Variants in CLIP1 observed in about 807,000 individuals in gnomAD.
CLIP1 encodes the protein CAP-Gly domain containing linker protein 1.
Under a neutral mutation model 161.6 loss-of-function variants are expected in CLIP1, and 66 were observed. The observed-to-expected ratio is 0.41, with a 90% CI of 0.33 to 0.50. The LOEUF (loss-of-function observed/expected upper bound fraction) is 0.50, where lower values mean the gene tolerates loss of function less well. CLIP1 is among the 20% of genes least tolerant of loss of function. The pLI is 0.27. For synonymous variants in CLIP1, 598 were observed against 626.2 expected (o/e 0.96, Z 0.67); for missense variants, 1,376 against 1,702.0 (o/e 0.81, Z 3.37).
rs147997291 is a variant in CLIP1, at chr12:122,388,801, C to T, written c.-106-8243G>A. On this transcript the variant is annotated intron_variant, in intron 1 of 25. Transcript: ENST00000620786. ...TGCTGCCCAGGCTGGTTTTAAACTC[C>T]TAGGCTCAAGTAATCCTACTGCCTC... 1.4e-3 allele frequency among the ~76,000 whole-genome samples: 210 copies of T among 151,930 alleles called. 1 individual carries two copies. Among genetic ancestry groups the T allele is most frequent in the Non-Finnish European group, 2.2e-3 (150 of 67,944 alleles).
At chr12:122,298,032 C>T (rs1237669274) in intron 20 of CLIP1, among the ~76,000 whole-genome samples, 2 of 152,202 alleles carry the variant, frequency 1.3e-5, no homozygotes, top group East Asian at 1.9e-4. Flanking sequence ...TCCAGAGCTC[C>T]CCACGGCATT....
At chr12:122,353,445 A>C (rs911625449) in intron 7 of CLIP1, among the ~76,000 whole-genome samples, 1 of 152,134 alleles carries the variant, frequency 6.6e-6, no homozygotes, top group Non-Finnish European at 1.5e-5. Flanking sequence ...TCAATATGGC[A>C]AAACCCCATC....
intron 1 of CLIP1, among the ~76,000 whole-genome samples, chr12:122,412,679 A>G (rs181318120): frequency 6.6e-6 from 1 of 152,244 alleles, no homozygotes; most frequent in East Asian, 1.9e-4. Flanking sequence ...AAACCAAAGT[A>G]CATACTCTAA....
At chr12:122,418,996 TTACTA>T (rs1376440083) in intron 1 of CLIP1, among the ~76,000 whole-genome samples, 4 of 152,202 alleles carry the variant, frequency 2.6e-5, no homozygotes, top group African/African-American at 9.6e-5. Context: ...CCCTGTGACT[TTACTA>T]TACTACCTTC....
chr12:122,418,531 T>C (rs748903958), intron 1 of CLIP1, among the ~76,000 whole-genome samples: 10 of 152,098 alleles, frequency 6.6e-5, no homozygotes, highest in African/African-American at 1.9e-4. Context: ...GTTAGGAGGA[T>C]TGTTTGAGCC....
At chr12:122,345,323 A>ATT (rs5801470) in intron 10 of CLIP1, among the ~76,000 whole-genome samples, 120 of 149,778 alleles carry the variant, frequency 8.0e-4, no homozygotes, top group Middle Eastern at 3.4e-3. Flanking sequence ...CACCCAGCTA[A>ATT]TTTTTTTTTT....
In CLIP1 at chr12:122,393,166, G is replaced by GTT. The variant is rs55816714; in HGVS notation, c.-106-12610_-106-12609dup. 1.6e-3 allele frequency among the ~76,000 whole-genome samples: 225 copies of GTT among 139,180 alleles called. 1 individual carries two copies. Among genetic ancestry groups the GTT allele is most frequent in the African/African-American group, 3.2e-3 (124 of 38,268 alleles). The allele number at this position is 139,180 out of a possible 152,430, so 91.3% of individuals were successfully genotyped here. ...AAATTCACTGCAGATTGGCAATCTT[G>GTT]TTTTTTTTTTTTTTTTAGATGGAGT... is the stretch of plus-strand genomic sequence containing the variant. On this transcript the variant is annotated intron_variant, in intron 1 of 25. Coordinates refer to ENST00000620786, the MANE Select transcript of CLIP1 (RefSeq NM_001247997.2).
chr12:122,406,094 A>G (rs781064392), intron 1 of CLIP1, among the ~76,000 whole-genome samples: 23 of 152,288 alleles, frequency 1.5e-4, no homozygotes, highest in Admixed American at 8.5e-4. Context: ...AGCAAACAGC[A>G]TATCTTTAAG....
In CLIP1 at chr12:122,361,058, G is replaced by C. The variant is rs1156960009; in HGVS notation, c.906C>G (p.Thr302=). 1 of 1,614,130 alleles carries C rather than the reference G, an allele frequency of 6.2e-7. No homozygotes were observed. Among genetic ancestry groups the C allele is most frequent in the African/African-American group, 1.3e-5 (1 of 74,936 alleles). ...GGCTGCGCTTCAGGCTGGCGGACGTGGTCGCCATCACTCGCCTCACTGCGT... is the reference window on the plus strand; with the variant it reads ...GGCTGCGCTTCAGGCTGGCGGACGTCGTCGCCATCACTCGCCTCACTGCGT... The part of the protein sequence containing the change: ...KANAVRRVMA[T]TSASLKRSPS... Residue 302 remains threonine (T), a synonymous_variant, in exon 5 of 26, where the codon ACC becomes ACG. Coordinates refer to ENST00000620786, the MANE Select transcript of CLIP1 (RefSeq NM_001247997.2).
chr12:122,328,272 A>G lies in CLIP1; in HGVS notation c.3022T>C (p.Leu1008=), dbSNP rs1951788026. 6 of 1,613,490 alleles carry G rather than the reference A, an allele frequency of 3.7e-6. No homozygotes were observed. In the Admixed American group the frequency reaches 1.0e-4, roughly 27 times the overall value. Residue 1008 remains leucine, a synonymous_variant, in exon 16 of 26, where the codon TTG becomes CTG. Coordinates refer to ENST00000620786, the MANE Select transcript of CLIP1 (RefSeq NM_001247997.2). ...GAGTATCTCCTTACCAGGTCCGACA[A>G]TTTCCTCTCCAATTCTTTCTTTTCT... is the stretch of plus-strand genomic sequence containing the variant. The part of the protein sequence containing the change: ...EEEKKELERK[L]SDLEKKMETS...
At chr12:122,401,734 C>A (rs1219974290) in intron 1 of CLIP1, among the ~76,000 whole-genome samples, 1 of 149,854 alleles carries the variant, frequency 6.7e-6, no homozygotes, top group Admixed American at 6.7e-5. Flanking sequence ...CATGCTGGCT[C>A]ATGCCTGTAA....
At chr12:122,357,335 TGAG>T (rs1462725363) in intron 5 of CLIP1, among the ~76,000 whole-genome samples, 1 of 144,630 alleles carries the variant, frequency 6.9e-6, no homozygotes, top group South Asian at 2.2e-4. Context: ...CCGCCCCGTC[TGAG>T]AAGAGAGGAG....
intron 7 of CLIP1, 130 bp from the exon 8 acceptor site, chr12:122,352,916 G>C: frequency 1.4e-6 from 1 of 730,814 alleles, no homozygotes; most frequent in Non-Finnish European, 2.4e-6. Flanking sequence ...CAATTTGGGA[G>C]GTGGAGGCAG....
intron 20 of CLIP1, among the ~76,000 whole-genome samples, chr12:122,308,746 T>C (rs759502384): frequency 1.3e-5 from 2 of 152,206 alleles, no homozygotes; most frequent in Non-Finnish European, 2.9e-5. Flanking sequence ...TTAGCTACTA[T>C]CACCAACAGC....
chr12:122,333,151 T>A lies in CLIP1; in HGVS notation c.2711-8A>T, dbSNP rs370185091. 1 of 1,600,538 alleles carries A rather than the reference T, an allele frequency of 6.2e-7. No homozygotes were observed. The highest frequency in any genetic ancestry group is 8.5e-7 in the Non-Finnish European group (1 of 1,172,562). On this transcript the variant is annotated splice_polypyrimidine_tract_variant and splice_region_variant and intron_variant, in intron 14 of 25. Coordinates refer to ENST00000620786, the MANE Select transcript of CLIP1 (RefSeq NM_001247997.2). ...TAAATTTTGCCTCCATATCTAAATA[T>A]ATAGAGAAAAAAAGAATAGCACGGC...
chr12:122,316,809 T>C lies in CLIP1; in HGVS notation c.3413A>G (p.Asn1138Ser), dbSNP rs1005218209. The C allele has an allele frequency of 5.6e-6, 9 of 1,597,098 alleles. No homozygotes were observed. The highest frequency in any genetic ancestry group is 1.7e-4 in the Middle Eastern group (1 of 6,054). Residue 1138 changes from asparagine to serine, a missense_variant, in exon 19 of 26, where the codon AAC becomes AGC. Transcript: ENST00000620786. ...ENNLKNVEELNKSKELLTVEN... is the reference protein window; with the variant it reads ...ENNLKNVEELSKSKELLTVEN... Reference sequence around the variant, plus strand: ...TACAGTCAGGAGTTCTTTTGATTTGTTCAGCTCTTCCACATTTTTCAAGTT... The same window carrying C: ...TACAGTCAGGAGTTCTTTTGATTTGCTCAGCTCTTCCACATTTTTCAAGTT...
At position 122,335,831 on chromosome 12, in the gene CLIP1, G is replaced by A. The variant is rs1259705019; in HGVS notation, c.2568+801C>T. Among the ~76,000 whole-genome samples the A allele has an allele frequency of 2.6e-5, 4 of 151,936 alleles. No homozygotes were observed. In the South Asian group the frequency reaches 6.2e-4, roughly 24 times the overall value. On this transcript the variant is annotated intron_variant, in intron 12 of 25. Coordinates refer to ENST00000620786, the MANE Select transcript of CLIP1 (RefSeq NM_001247997.2). Reference sequence around the variant, plus strand: ...CAAAAAAAAAAAAAAGATCACACACGTTAATTCACACTGTTAATAGCACAG... The same window carrying A: ...CAAAAAAAAAAAAAAGATCACACACATTAATTCACACTGTTAATAGCACAG...
At chr12:122,294,338 A>C (rs1950383834) in intron 20 of CLIP1, among the ~76,000 whole-genome samples, 3 of 142,758 alleles carry the variant, frequency 2.1e-5, no homozygotes, top group African/African-American at 2.5e-5. Flanking sequence ...CAAAAAAAAA[A>C]AAAAACAAAA....
intron 1 of CLIP1, among the ~76,000 whole-genome samples, chr12:122,390,511 C>A (rs1208964234): frequency 6.6e-6 from 1 of 151,226 alleles, no homozygotes; most frequent in Non-Finnish European, 1.5e-5. Flanking sequence ...GGAGTTTGGA[C>A]ATGTTGGCTA....
Sources: allele counts gnomAD v4.1 joint callset (sites outside exome capture counted in the v4.1 genomes callset), GRCh38; gene constraint gnomAD v4.1.1; transcripts MANE v1.5; gene names NCBI Gene and HGNC (gene_info 2026-07-23, HGNC 2026-07-21).